Variants in UBXN8 observed in about 807,000 individuals in gnomAD.
UBXN8 encodes UBX domain-containing protein 8.
A neutral mutation model predicts 32.1 loss-of-function variants in UBXN8; 27 were observed. That is an observed-to-expected ratio of 0.84 (90% confidence interval 0.62 to 1.16). The LOEUF (loss-of-function observed/expected upper bound fraction) is 1.16, where lower values mean the gene tolerates loss of function less well. Among genes scored for constraint, UBXN8 ranks in the 50% most tolerant of loss-of-function variants. The probability of loss-of-function intolerance (pLI) is 0.00; values close to 1 mark genes in which losing one functional copy is unlikely to be tolerated. For synonymous variants in UBXN8, 109 were observed against 111.8 expected, an observed-to-expected ratio of 0.98 and a Z score of 0.16; for missense variants, 306 against 311.4, an observed-to-expected ratio of 0.98 and a Z score of 0.13.
intron 1 of UBXN8, among the ~76,000 whole-genome samples, chr8:30,737,108 C>T (rs1805082577): frequency 6.6e-6 from 1 of 152,128 alleles, no homozygotes; most frequent in South Asian, 2.1e-4. Context: ...CATAATTGCA[C>T]CAGTCTAGCA....
chr8:30,758,185 T>C (rs569043181), intron 5 of UBXN8, among the ~76,000 whole-genome samples: 18 of 152,160 alleles, frequency 1.2e-4, no homozygotes, highest in South Asian at 6.2e-4. Context: ...CGTGAGCCAC[T>C]GCGCCCAGCC....
rs150660251 is a variant in UBXN8 at position 30,758,852 on chromosome 8, T to C, written c.528+1965T>C. Among the ~76,000 whole-genome samples, 546 of 151,720 alleles carry C rather than the reference T, an allele frequency of 3.6e-3. 3 individuals are homozygous for C. The highest frequency in any genetic ancestry group is 0.012 in the African/African-American group (499 of 41,340). On this transcript the variant is annotated intron_variant, in intron 5 of 7. Transcript: ENST00000265616. ...GGTATTAATAAAGAGTTCCTGGAGATGAAGTCATTGGTAACAAATGTTTTT... is the reference window on the plus strand; with the variant it reads ...GGTATTAATAAAGAGTTCCTGGAGACGAAGTCATTGGTAACAAATGTTTTT...
upstream of UBXN8, among the ~76,000 whole-genome samples, chr8:30,740,400 G>A: frequency 4.0e-4 from 1 of 2,490 alleles, no homozygotes; most frequent in African/African-American, 1.9e-3. Context: ...TTGGCCAAAG[G>A]CAATTAAGGA....
intron 6 of UBXN8, among the ~76,000 whole-genome samples, chr8:30,762,452 G>A (rs1176796242): frequency 6.6e-6 from 1 of 152,052 alleles, no homozygotes; most frequent in East Asian, 1.9e-4. Flanking sequence ...GGAGTGCAAT[G>A]GCACAATCTC....
chr8:30,760,439 A>ATT (rs1221804217), intron 5 of UBXN8, among the ~76,000 whole-genome samples: 50 of 43,194 alleles, frequency 1.2e-3, no homozygotes, highest in African/African-American at 3.6e-3. Flanking sequence ...ATATATATAT[A>ATT]TATATTTTTT....
At chr8:30,733,236 T>C (rs1227954242) in exon 1 of UBXN8, 1 of 152,276 alleles carries the variant, frequency 6.6e-6, no homozygotes, top group Non-Finnish European at 1.5e-5. Context: ...TGAAGCCAGA[T>C]CGTTGCCCCA....
In UBXN8 at chr8:30,747,178, C is replaced by T. The variant is rs765573574; in HGVS notation, c.88+2901C>T. Among the ~76,000 whole-genome samples, 114 of 140,082 alleles carry T rather than the reference C, an allele frequency of 8.1e-4. 23 individuals carry two copies. Among genetic ancestry groups the T allele is most frequent in the Non-Finnish European group, 1.2e-3 (81 of 64,954 alleles). The allele number at this position is 140,082 out of a possible 152,430, so 91.9% of individuals were successfully genotyped here. A position where few individuals can be genotyped will look rare whatever the true frequency, so the allele number is the denominator to read the frequency against. On this transcript the variant is annotated intron_variant, in intron 1 of 7. Coordinates refer to ENST00000265616, the MANE Select transcript of UBXN8 (RefSeq NM_005671.4). ...CAAAACAAAAACAAAAACGAAAAAA[C>T]CTTAAAATTTTTTTTCTTTAAAGGT...
At chr8:30,729,890 G>T (rs974283818), upstream of UBXN8, among the ~76,000 whole-genome samples, 9 of 152,278 alleles carry the variant, frequency 5.9e-5, no homozygotes, top group Middle Eastern at 3.4e-3. Flanking sequence ...TACCACAGTG[G>T]GTAAGAGGGC....
chr8:30,749,405 T>TA, intron 1 of UBXN8, among the ~76,000 whole-genome samples: 1 of 136,268 alleles, frequency 7.3e-6, no homozygotes, highest in Admixed American at 7.5e-5. Flanking sequence ...AAAAAAAAAA[T>TA]AAAATAAATA....
intron 3 of UBXN8, 83 bp downstream of exon 3, chr8:30,753,188 G>T (rs1033928520): frequency 1.5e-6 from 2 of 1,360,710 alleles, no homozygotes; most frequent in Non-Finnish European, 1.9e-6. Flanking sequence ...TGTTGCTTCT[G>T]TCTTGGTGCT....
upstream of UBXN8, among the ~76,000 whole-genome samples, chr8:30,740,484 C>G (rs1466573773): frequency 1.4e-4 from 1 of 7,320 alleles, no homozygotes; most frequent in Non-Finnish European, 3.2e-4. Context: ...TAGAGAATCA[C>G]TTGAGACCAG....
chr8:30,753,026 A>G lies in UBXN8; in HGVS notation c.212-9A>G. 6.6e-7 allele frequency: 1 copy of G among 1,507,842 alleles called. No individual in the cohort carries two copies. The highest frequency in any genetic ancestry group is 1.7e-4 in the Middle Eastern group (1 of 5,808). The allele number at this position is 1,507,842 out of a possible 1,614,324, so 93.4% of individuals were successfully genotyped here. A position where few individuals can be genotyped will look rare whatever the true frequency, so the allele number is the denominator to read the frequency against. On this transcript the variant is annotated splice_polypyrimidine_tract_variant and intron_variant, in intron 2 of 7. Coordinates refer to ENST00000265616, the MANE Select transcript of UBXN8 (RefSeq NM_005671.4). ...AAGTAAAAAGCACTTTTATGTTTTG[A>G]TGTCTTAGAAGAAGAAGAAAAGAAT...
intron 6 of UBXN8, among the ~76,000 whole-genome samples, chr8:30,762,974 A>C (rs530165427): frequency 6.6e-6 from 1 of 151,898 alleles, no homozygotes; most frequent in African/African-American, 2.4e-5. Context: ...GGCTCAGGCT[A>C]TTCTCCCACT....
chr8:30,748,551 T>C (rs1805427371), intron 1 of UBXN8, among the ~76,000 whole-genome samples: 1 of 151,904 alleles, frequency 6.6e-6, no homozygotes, highest in Non-Finnish European at 1.5e-5. Context: ...GTTTTTTTCT[T>C]TTTTTTTGAG....
intron 1 of UBXN8, among the ~76,000 whole-genome samples, chr8:30,738,892 G>GT (rs1380974036): frequency 2.3e-4 from 35 of 150,086 alleles, no homozygotes; most frequent in African/African-American, 7.5e-4. Flanking sequence ...GGAGACAGGG[G>GT]TTACAGTGAG....
intron 5 of UBXN8, among the ~76,000 whole-genome samples, chr8:30,758,828 G>T (rs1358785093): frequency 1.3e-5 from 2 of 150,396 alleles, no homozygotes; most frequent in Non-Finnish European, 2.9e-5. Context: ...ATACTCTATG[G>T]TATTAATAAA....
At position 30,756,265 on chromosome 8, in the gene UBXN8, C is replaced by T. The variant is rs141109752; in HGVS notation, c.406-500C>T. On this transcript the variant is annotated intron_variant, in intron 4 of 7. Transcript: ENST00000265616. ...AAGTGATTTTCCTGCCTCAGTCTCCCACGTAGCTGGGATTACAGGTAACTG... is the reference window on the plus strand; with the variant it reads ...AAGTGATTTTCCTGCCTCAGTCTCCTACGTAGCTGGGATTACAGGTAACTG... The T allele has an allele frequency of 7.6e-3, 1,178 of 154,686 alleles. 6 individuals carry two copies. The highest frequency in any genetic ancestry group is 0.012 in the South Asian group (63 of 5,054). The allele number at this position is 154,686 out of a possible 1,614,324, so 9.6% of individuals were successfully genotyped here.
upstream of UBXN8, among the ~76,000 whole-genome samples, chr8:30,740,258 G>C (rs1805170197): frequency 6.6e-6 from 1 of 151,132 alleles, no homozygotes; most frequent in African/African-American, 2.4e-5. Context: ...TCAAGGAATG[G>C]TATGCTCATG....
At chr8:30,733,599 CT>C (rs910051455) in intron 1 of UBXN8, among the ~76,000 whole-genome samples, 6 of 152,188 alleles carry the variant, frequency 3.9e-5, no homozygotes, top group African/African-American at 1.4e-4. Flanking sequence ...GACAGCCCCC[CT>C]GCTCCCTCAA....
Sources: allele counts gnomAD v4.1 joint callset (sites outside exome capture counted in the v4.1 genomes callset), GRCh38; gene constraint gnomAD v4.1.1; transcripts MANE v1.5; gene names NCBI Gene and HGNC (gene_info 2026-07-23, HGNC 2026-07-21).